Variants in RTTN observed in about 807,000 individuals in gnomAD.
RTTN encodes the protein rotatin.
RTTN carries 182 observed loss-of-function variants against 269.2 expected under a neutral mutation model. That is an observed-to-expected ratio of 0.68 (90% CI 0.60 to 0.76). The LOEUF (loss-of-function observed/expected upper bound fraction) is 0.76, where lower values mean the gene tolerates loss of function less well. Among genes scored for constraint, RTTN ranks in the 30% least tolerant of loss-of-function variants. RTTN has a pLI of 0.00. For missense variants in RTTN, 2,545 were observed against 2,608.6 expected, an observed-to-expected ratio of 0.98 and a Z score of 0.53; for synonymous variants, 1,006 against 963.5, an observed-to-expected ratio of 1.04 and a Z score of -0.82.
intron 17 of RTTN, among the ~76,000 whole-genome samples, chr18:70,146,837 G>T (rs1461539760): frequency 6.6e-6 from 1 of 152,172 alleles, no homozygotes; most frequent in Non-Finnish European, 1.5e-5. Flanking sequence ...ACACAAAGTA[G>T]ATATTTACTG....
At chr18:70,055,883 T>C (rs937734801) in intron 37 of RTTN, among the ~76,000 whole-genome samples, 3 of 152,134 alleles carry the variant, frequency 2.0e-5, no homozygotes, top group African/African-American at 7.2e-5. Flanking sequence ...ATCATACCTT[T>C]AGCAGAGTAT....
chr18:70,148,745 T>C (rs752809185), intron 17 of RTTN, among the ~76,000 whole-genome samples, 156 bp downstream of exon 17: 8 of 152,180 alleles, frequency 5.3e-5, no homozygotes, highest in Admixed American at 2.6e-4. Flanking sequence ...TACAAGACCT[T>C]GTATCTGCTT....
At chr18:70,136,415 A>T (rs1054485706) in intron 21 of RTTN, among the ~76,000 whole-genome samples, 1 of 44,464 alleles carries the variant, frequency 2.2e-5, no homozygotes, top group Non-Finnish European at 1.2e-4. Flanking sequence ...GGTTAAAAAT[A>T]TAATAATAAA....
chr18:70,047,832 T>C, intron 40 of RTTN, 139 bp downstream of exon 40: 1 of 696,960 alleles, frequency 1.4e-6, no homozygotes, highest in Non-Finnish European at 2.3e-6. Flanking sequence ...TTATAAACTT[T>C]TGTATCATTT....
chr18:70,201,471 A>G (rs939636347), intron 4 of RTTN, among the ~76,000 whole-genome samples: 13 of 151,006 alleles, frequency 8.6e-5, no homozygotes, highest in South Asian at 4.2e-4. Context: ...AGCTGGGCGT[A>G]GTGGCGGGCG....
At chr18:70,122,257 T>C (rs1599657684) in intron 25 of RTTN, among the ~76,000 whole-genome samples, 1 of 146,156 alleles carries the variant, frequency 6.8e-6, no homozygotes, top group Admixed American at 6.8e-5. Context: ...AAGATTTCTT[T>C]AAAAAAAAAA....
At chr18:70,105,206 C>T (rs2059289759) in intron 28 of RTTN, among the ~76,000 whole-genome samples, 1 of 152,204 alleles carries the variant, frequency 6.6e-6, no homozygotes, top group Non-Finnish European at 1.5e-5. Flanking sequence ...GGCGGACACC[C>T]CTCCCCCAGC....
At chr18:70,134,710 T>A (rs1409992323) in intron 22 of RTTN, among the ~76,000 whole-genome samples, 169 bp from the exon 23 acceptor site, 1 of 152,180 alleles carries the variant, frequency 6.6e-6, no homozygotes, top group Middle Eastern at 3.2e-3. Flanking sequence ...GATTTGCTTA[T>A]GAAGAGTAAA....
chr18:70,006,528 T>C (rs762130618), intron 46 of RTTN, 44 bp from the exon 47 acceptor site: 133 of 1,397,132 alleles, frequency 9.5e-5, no homozygotes, highest in Middle Eastern at 3.5e-4. Context: ...TCCCAGACAC[T>C]GCATTGTATT....
At chr18:70,017,271 C>A in intron 46 of RTTN, 136 bp downstream of exon 46, 1 of 827,862 alleles carries the variant, frequency 1.2e-6, no homozygotes, top group Non-Finnish European at 1.9e-6. Flanking sequence ...GATTCATTCC[C>A]ATGCCTTCCA....
At chr18:70,203,962 AAC>A (rs2062016032) in intron 3 of RTTN, 122 bp downstream of exon 3, 2 of 731,368 alleles carry the variant, frequency 2.7e-6, no homozygotes, top group Non-Finnish European at 4.4e-6. Context: ...CATGTAAGTT[AAC>A]ACAAGAAAAA....
In RTTN at chr18:70,030,991, A is replaced by G. The variant is rs1311994759; in HGVS notation, c.5542-10T>C. On this transcript the variant is annotated splice_polypyrimidine_tract_variant and intron_variant, in intron 40 of 48. Coordinates refer to ENST00000640769, the MANE Select transcript of RTTN (RefSeq NM_173630.4). ...ATTTCCCTTCATAGCACTGCAGAGA[A>G]TATAAATCAAACTGCCTTGAAGAAA... 1.3e-6 allele frequency: 2 copies of G among 1,580,600 alleles called. No homozygotes were observed. Among genetic ancestry groups the G allele is most frequent in the South Asian group, 2.3e-5 (2 of 87,486 alleles).
At chr18:70,175,045 C>CAAAAAAAAAAAAAAAAACAA (rs2061253920) in intron 11 of RTTN, among the ~76,000 whole-genome samples, 1 of 86,850 alleles carries the variant, frequency 1.2e-5, no homozygotes, top group Non-Finnish European at 2.1e-5. Flanking sequence ...AAACCAAAAC[C>CAAAAAAAAAAAAAAAAACAA]AAAAAAAAAA....
rs530941846 is a variant in RTTN at position 70,197,675 on chromosome 18, G to A, written c.642C>T (p.Ile214=). The A allele has an allele frequency of 2.5e-6, 4 of 1,613,776 alleles. No individual in the cohort carries two copies. Among genetic ancestry groups the A allele is most frequent in the Non-Finnish European group, 3.4e-6 (4 of 1,179,794 alleles). Residue 214 remains isoleucine, a synonymous_variant, in exon 6 of 49, where the codon ATC becomes ATT. Coordinates refer to ENST00000640769, the MANE Select transcript of RTTN (RefSeq NM_173630.4). ...WNTCELLKDV[I]MQDFPAEIFL... is the part of the protein sequence containing the mutation. ...AAATCTCAGCAGGAAAATCTTGCAT[G>A]ATAACATCCTTCAATAGTTCACAGG...
chr18:70,173,664 T>C (rs568198968), intron 11 of RTTN, among the ~76,000 whole-genome samples: 2 of 152,304 alleles, frequency 1.3e-5, no homozygotes, highest in East Asian at 3.9e-4. Flanking sequence ...CTCCTTTGTT[T>C]TGGTAATAAG....
intron 32 of RTTN, among the ~76,000 whole-genome samples, chr18:70,085,054 T>C (rs1360209444): frequency 6.6e-6 from 1 of 152,172 alleles, no homozygotes. Context: ...TCATTGGTAG[T>C]ACATCACCAA....
intron 47 of RTTN, chr18:70,006,113 A>G (rs2056177742): frequency 3.1e-6 from 1 of 321,354 alleles, no homozygotes; most frequent in Non-Finnish European, 5.7e-6. Context: ...AAATTGCAAT[A>G]ATAAAGTAAA....
chr18:70,097,554 A>G (rs2059034909), intron 28 of RTTN, among the ~76,000 whole-genome samples: 1 of 152,260 alleles, frequency 6.6e-6, no homozygotes, highest in Non-Finnish European at 1.5e-5. Context: ...ACATAAAGTC[A>G]TAAAGATTTT....
chr18:70,109,761 A>C, intron 27 of RTTN, 44 bp from the exon 28 acceptor site: 1 of 1,413,080 alleles, frequency 7.1e-7, no homozygotes, highest in Non-Finnish European at 1.0e-6. Context: ...AGAAAGTATA[A>C]TGGGCTTAAT....
Sources: gnomAD v4.1 joint callset for allele counts (sites outside exome capture counted in the v4.1 genomes callset) on GRCh38, gnomAD v4.1.1 for gene constraint, MANE v1.5 for transcripts, NCBI Gene and HGNC (gene_info 2026-07-23, HGNC 2026-07-21) for gene names.